The following GTF2A1 variants were observed in gnomAD, a reference collection of about 807,000 sequenced individuals.
GTF2A1 encodes general transcription factor IIA subunit 1, also known as transcription initiation factor IIA subunit 1.
GTF2A1 carries 12 observed loss-of-function variants against 54.1 expected under a neutral mutation model. That is an observed-to-expected ratio of 0.22 (90% confidence interval 0.14 to 0.36). The LOEUF is 0.36. Ranked by LOEUF, GTF2A1 falls within the 10% of genes least tolerant of loss-of-function variation. GTF2A1 has a pLI of 1.00. For missense variants in GTF2A1, 335 were observed against 442.2 expected, an observed-to-expected ratio of 0.76 and a Z score of 2.17; for synonymous variants, 145 against 152.0, an observed-to-expected ratio of 0.95 and a Z score of 0.34.
intron 4 of GTF2A1, among the ~76,000 whole-genome samples, chr14:81,200,890 A>AC (rs1262498517): frequency 6.6e-6 from 1 of 151,248 alleles, no homozygotes; most frequent in Non-Finnish European, 1.5e-5. Context: ...TTATCCAAAA[A>AC]AAAAAAAAAA....
chr14:81,185,293 A>G (rs1892719805), intron 8 of GTF2A1, among the ~76,000 whole-genome samples: 1 of 152,230 alleles, frequency 6.6e-6, no homozygotes, highest in Non-Finnish European at 1.5e-5. Flanking sequence ...AAATAGAAAA[A>G]GAAGATCGTA....
At chr14:81,205,746 T>G (rs1893214550) in intron 2 of GTF2A1, among the ~76,000 whole-genome samples, 1 of 152,302 alleles carries the variant, frequency 6.6e-6, no homozygotes, top group Middle Eastern at 3.4e-3. Context: ...GTGAATAAAT[T>G]TAAGTCTCTG....
At chr14:81,186,424 G>GA (rs1447243469) in intron 7 of GTF2A1, among the ~76,000 whole-genome samples, 1 of 152,074 alleles carries the variant, frequency 6.6e-6, no homozygotes, top group African/African-American at 2.4e-5. Context: ...GGTTATGGTA[G>GA]AGGTATGAAG....
At position 81,179,129 on chromosome 14, in the gene GTF2A1, A is replaced by G. The variant is rs1180094687; in HGVS notation, c.*1094T>C. ...CCTCTTCCCCCCAAATTTTCCCCTC[A>G]AATTACAAAGTTGATTTTAAAAACT... On this transcript the variant is annotated 3_prime_UTR_variant, in exon 9 of 9. Coordinates refer to ENST00000553612, the MANE Select transcript of GTF2A1 (RefSeq NM_015859.4). 2.0e-5 allele frequency: 3 copies of G among 152,198 alleles called. No homozygotes were observed. Among genetic ancestry groups the G allele is most frequent in the East Asian group, 3.8e-4 (2 of 5,204 alleles). The allele number at this position is 152,198 out of a possible 1,614,324, so 9.4% of individuals were successfully genotyped here.
At chr14:81,205,830 G>C (rs1893216911) in intron 2 of GTF2A1, among the ~76,000 whole-genome samples, 1 of 152,182 alleles carries the variant, frequency 6.6e-6, no homozygotes, top group Non-Finnish European at 1.5e-5. Flanking sequence ...TGTTGTGTCT[G>C]ATTCATCTCT....
At position 81,220,752 on chromosome 14, in the gene GTF2A1, AGCC is replaced by A; in HGVS notation, c.-237_-235del. 1 of 339,672 alleles carries A rather than the reference AGCC, an allele frequency of 2.9e-6. No homozygotes were observed. The highest frequency in any genetic ancestry group is 5.2e-6 in the Non-Finnish European group (1 of 190,538). The allele number at this position is 339,672 out of a possible 1,614,324, so 21.0% of individuals were successfully genotyped here. A position where few individuals can be genotyped will look rare whatever the true frequency, so the allele number is the denominator to read the frequency against. On this transcript the variant is annotated 5_prime_UTR_variant, in exon 1 of 9. Coordinates refer to ENST00000553612, the MANE Select transcript of GTF2A1 (RefSeq NM_015859.4). ...AGAATCGCCTTAAAAAAAAAAAAAA[AGCC>A]ACGACCCTTCAGGGGTCCGGGGGGC...
intron 2 of GTF2A1, among the ~76,000 whole-genome samples, chr14:81,205,804 A>G (rs1045776226): frequency 1.3e-5 from 2 of 152,214 alleles, no homozygotes; most frequent in African/African-American, 4.8e-5. Context: ...AACAAGCACT[A>G]CTTTCTGAGA....
chr14:81,192,499 G>C lies in GTF2A1; in HGVS notation c.933+20C>G. On this transcript the variant is annotated intron_variant, in intron 7 of 8. Coordinates refer to ENST00000553612, the MANE Select transcript of GTF2A1 (RefSeq NM_015859.4). Reference sequence around the variant, plus strand: ...GAAATAATCAAGTAGATTATTTTAAGTATGTTACTAGAAACTTACTTCTTC... The same window carrying C: ...GAAATAATCAAGTAGATTATTTTAACTATGTTACTAGAAACTTACTTCTTC... The C allele has an allele frequency of 6.4e-7, 1 of 1,561,848 alleles. No individual in the cohort carries two copies. The highest frequency in any genetic ancestry group is 1.7e-4 in the Middle Eastern group (1 of 5,830).
At chr14:81,190,280 AG>A (rs1892848722) in intron 7 of GTF2A1, among the ~76,000 whole-genome samples, 1 of 151,824 alleles carries the variant, frequency 6.6e-6, no homozygotes, top group Non-Finnish European at 1.5e-5. Flanking sequence ...AAAAAAAAAA[AG>A]AGTTCAAAAT....
chr14:81,202,761 A>C, intron 3 of GTF2A1: 1 of 518,638 alleles, frequency 1.9e-6, no homozygotes, highest in Middle Eastern at 3.3e-4. Flanking sequence ...CTGAGTGAAG[A>C]AAATCAAATT....
chr14:81,186,867 C>T (rs926309312), intron 7 of GTF2A1, among the ~76,000 whole-genome samples: 5 of 151,960 alleles, frequency 3.3e-5, no homozygotes, highest in African/African-American at 1.2e-4. Context: ...GGGAGGATTA[C>T]TTGAACCCAG....
chr14:81,211,783 A>G (rs1465272860), intron 2 of GTF2A1, among the ~76,000 whole-genome samples: 1 of 151,410 alleles, frequency 6.6e-6, no homozygotes, highest in Non-Finnish European at 1.5e-5. Flanking sequence ...GTAGAAACAG[A>G]GCTTTCCCTA....
rs1297309411 is a variant in GTF2A1, at chr14:81,220,627, G to C, written c.-109C>G. ...CGGAGGGTGACCCAAATCACCGCAA[G>C]ATTGGGGAAAAAATTTTAAACAAAA... is the stretch of plus-strand genomic sequence containing the variant. On this transcript the variant is annotated 5_prime_UTR_variant, in exon 1 of 9. It adds an upstream start codon to the 5' untranslated region. Transcript: ENST00000553612. The C allele has an allele frequency of 2.5e-6, 2 of 801,708 alleles. No individual in the cohort carries two copies. Among genetic ancestry groups the C allele is most frequent in the Non-Finnish European group, 3.8e-6 (2 of 531,696 alleles). The allele number at this position is 801,708 out of a possible 1,614,324, so 49.7% of individuals were successfully genotyped here. A position where few individuals can be genotyped will look rare whatever the true frequency, so the allele number is the denominator to read the frequency against.
intron 2 of GTF2A1, among the ~76,000 whole-genome samples, chr14:81,208,591 C>T (rs1893293709): frequency 6.6e-6 from 1 of 152,168 alleles, no homozygotes; most frequent in African/African-American, 2.4e-5. Flanking sequence ...ATGGCAGACC[C>T]ACCAACAGCT....
intron 4 of GTF2A1, among the ~76,000 whole-genome samples, chr14:81,198,582 C>A (rs988386710): frequency 1.3e-5 from 2 of 152,146 alleles, no homozygotes; most frequent in Admixed American, 1.3e-4. Flanking sequence ...CCTGTCCTCC[C>A]GCAAAGAATT....
intron 2 of GTF2A1, among the ~76,000 whole-genome samples, chr14:81,211,884 T>TAC (rs1893376464): frequency 1.7e-5 from 1 of 57,446 alleles, no homozygotes; most frequent in Non-Finnish European, 5.1e-5. Flanking sequence ...TTTATATATA[T>TAC]ATATATATAT....
chr14:81,220,416 C>G, intron 1 of GTF2A1, 73 bp downstream of exon 1: 1 of 1,084,336 alleles, frequency 9.2e-7, no homozygotes, highest in Non-Finnish European at 1.3e-6. Flanking sequence ...CGCCGCCGTC[C>G]CCGCCCCCGC....
chr14:81,211,971 T>G lies in GTF2A1; in HGVS notation c.132+4442A>C, dbSNP rs372258647. On this transcript the variant is annotated intron_variant, in intron 2 of 8. Transcript: ENST00000553612. Reference sequence around the variant, plus strand: ...GGTGATTTTGGCCCCCGGCGACATCTGGCAATGTCTAGAGACATTTTTGGT... The same window carrying G: ...GGTGATTTTGGCCCCCGGCGACATCGGGCAATGTCTAGAGACATTTTTGGT... Among the ~76,000 whole-genome samples, 10 of 149,334 alleles carry G rather than the reference T, an allele frequency of 6.7e-5. 1 individual carries two copies. The East Asian group carries it at 7.8e-4, about 12-fold the overall frequency.
intron 1 of GTF2A1, 138 bp downstream of exon 1, chr14:81,220,351 G>T: frequency 3.1e-6 from 1 of 323,204 alleles, no homozygotes; most frequent in Non-Finnish European, 5.2e-6. Flanking sequence ...CGCCCGAGGC[G>T]GGAAGCGGCG....
Sources: gnomAD v4.1 joint callset for allele counts (sites outside exome capture counted in the v4.1 genomes callset) on GRCh38, gnomAD v4.1.1 for gene constraint, MANE v1.5 for transcripts, NCBI Gene and HGNC (gene_info 2026-07-23, HGNC 2026-07-21) for gene names.